The following TMEM131 variants were observed in gnomAD, a reference collection of about 807,000 sequenced individuals.
The protein encoded by TMEM131 is 2610524E03Rik.
In TMEM131, 66 loss-of-function variants were observed where a neutral mutation model predicts 211.6. The observed-to-expected ratio is 0.31, with a 90% CI of 0.26 to 0.38. The LOEUF is 0.38. Ranked by LOEUF, TMEM131 falls within the 10% of genes least tolerant of loss-of-function variation. TMEM131 has a pLI of 1.00. For missense variants in TMEM131, 2,036 were observed against 2,299.3 expected (o/e 0.89, Z 2.34); for synonymous variants, 844 against 841.3 (o/e 1.00, Z -0.06).
chr2:97,947,910 T>TGC (rs1230348572), intron 1 of TMEM131, among the ~76,000 whole-genome samples: 1 of 152,060 alleles, frequency 6.6e-6, no homozygotes, highest in Admixed American at 6.5e-5. Flanking sequence ...TGCAACAGGG[T>TGC]GCCAAGGCAA....
intron 1 of TMEM131, among the ~76,000 whole-genome samples, chr2:97,942,056 C>G (rs1211290681): frequency 1.3e-5 from 2 of 151,988 alleles, no homozygotes; most frequent in Non-Finnish European, 2.9e-5. Flanking sequence ...TTCACAAGAG[C>G]AAAGACTTGG....
chr2:97,828,924 T>C (rs1682524481), intron 11 of TMEM131, among the ~76,000 whole-genome samples: 1 of 152,214 alleles, frequency 6.6e-6, no homozygotes, highest in Admixed American at 6.5e-5. Flanking sequence ...GTCAAATTTG[T>C]TTCCTCTACG....
At chr2:97,949,798 C>T (rs760166446) in intron 1 of TMEM131, among the ~76,000 whole-genome samples, 2 of 120,656 alleles carry the variant, frequency 1.7e-5, no homozygotes, top group Admixed American at 1.1e-4. Flanking sequence ...CCAGCCTGGG[C>T]GACAGAGTGA....
intron 4 of TMEM131, among the ~76,000 whole-genome samples, chr2:97,872,400 G>A (rs187662755): frequency 2.7e-4 from 41 of 152,172 alleles, no homozygotes; most frequent in Admixed American, 1.5e-3. Context: ...CTTCTCTCTC[G>A]GAGCTAGTGA....
intron 1 of TMEM131, among the ~76,000 whole-genome samples, chr2:97,927,831 T>C (rs930062654): frequency 6.6e-6 from 1 of 152,048 alleles, no homozygotes; most frequent in Non-Finnish European, 1.5e-5. Context: ...CAAAAGCATA[T>C]AGAAAAGATC....
intron 4 of TMEM131, among the ~76,000 whole-genome samples, chr2:97,859,699 C>G (rs112568164): frequency 0.023 from 3,495 of 152,272 alleles, 57 homozygotes; most frequent in Middle Eastern, 0.048. Flanking sequence ...AGGCGGCGGA[C>G]GGGGCACAAA....
chr2:97,862,389 C>T (rs1277206236), intron 4 of TMEM131, among the ~76,000 whole-genome samples: 1 of 152,078 alleles, frequency 6.6e-6, no homozygotes, highest in Non-Finnish European at 1.5e-5. Context: ...TTAAATAAGG[C>T]ACCAGGGACC....
chr2:97,926,553 GT>G (rs753092712), intron 2 of TMEM131, among the ~76,000 whole-genome samples: 5 of 152,110 alleles, frequency 3.3e-5, no homozygotes, highest in Admixed American at 2.6e-4. Context: ...GGAGTCTTAG[GT>G]TTTTTTGTGG....
intron 35 of TMEM131, 91 bp downstream of exon 35, chr2:97,766,023 T>A: frequency 6.6e-7 from 1 of 1,518,342 alleles, no homozygotes; most frequent in Non-Finnish European, 8.9e-7. Context: ...ATGGGTATTT[T>A]AAAGCAACAT....
chr2:97,995,494 C>A lies in TMEM131; in HGVS notation c.169G>T (p.Ala57Ser). The A allele has an allele frequency of 7.1e-7, 1 of 1,410,128 alleles. No homozygotes were observed. The highest frequency in any genetic ancestry group is 9.3e-7 in the Non-Finnish European group (1 of 1,076,606). The allele number at this position is 1,410,128 out of a possible 1,614,324, so 87.4% of individuals were successfully genotyped here. A position where few individuals can be genotyped will look rare whatever the true frequency, so the allele number is the denominator to read the frequency against. The stretch of plus-strand genomic sequence containing the variant: ...CACCCACCTTCCTTCTCGGCCCGCG[C>A]CGCAGCCACTACGAGGGTCATCACC... The part of the protein sequence containing the change: ...HLVMTLVVAA[A>S]RAEKEAFVQS... Residue 57 changes from alanine to serine, a missense_variant, in exon 1 of 41, where the codon GCG (alanine) becomes TCG (serine). Ala to Ser is a moderately conservative substitution (Grantham distance 99). This residue lies in a region of TMEM131 where 136 missense variants were observed against 115.4 expected (regional missense o/e 1.18). Coordinates refer to ENST00000186436, the MANE Select transcript of TMEM131 (RefSeq NM_015348.2).
chr2:97,941,245 T>C (rs1045559812), intron 1 of TMEM131, among the ~76,000 whole-genome samples: 4 of 152,142 alleles, frequency 2.6e-5, no homozygotes, highest in African/African-American at 7.2e-5. Context: ...ATTTAATAAA[T>C]GGTGCTGGGA....
At chr2:97,760,292 C>A in intron 38 of TMEM131, 1 of 422,410 alleles carries the variant, frequency 2.4e-6, no homozygotes, top group Non-Finnish European at 4.4e-6. Context: ...ATGATCAGAT[C>A]ACATCTTACC....
chr2:97,993,432 C>T (rs574271268), intron 1 of TMEM131, among the ~76,000 whole-genome samples: 2 of 152,294 alleles, frequency 1.3e-5, no homozygotes, highest in African/African-American at 2.4e-5. Flanking sequence ...TGCTTTTCCC[C>T]TACTTACTCA....
At chr2:97,868,351 TAC>T (rs568939342) in intron 4 of TMEM131, among the ~76,000 whole-genome samples, 9 of 152,090 alleles carry the variant, frequency 5.9e-5, no homozygotes, top group East Asian at 3.9e-4. Flanking sequence ...TTTATATATA[TAC>T]ACACACACAC....
intron 5 of TMEM131, among the ~76,000 whole-genome samples, chr2:97,855,168 G>C (rs949893789): frequency 5.9e-5 from 9 of 151,962 alleles, no homozygotes; most frequent in Non-Finnish European, 1.0e-4. Context: ...ACATAGGTGG[G>C]GTGGCAAAAC....
chr2:97,878,088 CAT>C (rs1411026957), intron 4 of TMEM131, among the ~76,000 whole-genome samples: 17 of 152,154 alleles, frequency 1.1e-4, no homozygotes, highest in African/African-American at 3.1e-4. Context: ...AGCCAACAAA[CAT>C]ATGAAAAAAT....
chr2:97,912,872 CT>C (rs1676344153), intron 2 of TMEM131, among the ~76,000 whole-genome samples: 1 of 152,172 alleles, frequency 6.6e-6, no homozygotes, highest in African/African-American at 2.4e-5. Flanking sequence ...GGAAAATGGA[CT>C]CTTCTTCCAA....
intron 1 of TMEM131, among the ~76,000 whole-genome samples, chr2:97,989,451 G>A (rs1308859084): frequency 6.6e-6 from 1 of 152,142 alleles, no homozygotes; most frequent in African/African-American, 2.4e-5. Context: ...CCAGGAGCCT[G>A]GGGGTGGGGA....
At chr2:97,836,480 TCA>T (rs1164111869) in intron 8 of TMEM131, among the ~76,000 whole-genome samples, 2 of 152,224 alleles carry the variant, frequency 1.3e-5, no homozygotes, top group African/African-American at 4.8e-5. Context: ...TTTTTAAAAC[TCA>T]CAAATGGCAA....
Sources: allele counts gnomAD v4.1 joint callset (sites outside exome capture counted in the v4.1 genomes callset), GRCh38; gene constraint gnomAD v4.1.1; regional missense constraint gnomAD v4.1.1; transcripts MANE v1.5; gene names NCBI Gene and HGNC (gene_info 2026-07-23, HGNC 2026-07-21).